ARHGEF2: variants seen among roughly 807,000 people sequenced by gnomAD.
ARHGEF2 encodes Rho/Rac guanine nucleotide exchange factor 2.
A neutral mutation model predicts 121.0 loss-of-function variants in ARHGEF2; 22 were observed. The ratio of observed to expected loss-of-function variants is 0.18; its 90% confidence interval spans 0.13 to 0.26. The LOEUF is 0.26. Ranked by LOEUF, ARHGEF2 falls within the 10% of genes least tolerant of loss-of-function variation. The probability of loss-of-function intolerance (pLI) is 1.00; values close to 1 mark genes in which losing one functional copy is unlikely to be tolerated. For synonymous variants in ARHGEF2, 487 were observed against 530.0 expected, an observed-to-expected ratio of 0.92 and a Z score of 1.11; for missense variants, 907 against 1,336.0, an observed-to-expected ratio of 0.68 and a Z score of 5.01.
rs747850051 is a variant in ARHGEF2, at chr1:155,951,330, C to T, written c.2260-58G>A. The T allele has an allele frequency of 3.7e-5, 58 of 1,562,142 alleles. No homozygotes were observed. The highest frequency in any genetic ancestry group is 4.5e-5 in the East Asian group (2 of 44,300). On this transcript the variant is annotated intron_variant, in intron 19 of 21. Transcript: ENST00000361247. This position sits in a 1 kb window ranked among gnomAD's most constrained non-coding sequence, Gnocchi z 5.1. The stretch of plus-strand genomic sequence containing the variant: ...AGAACCCCTGTGCTCTTCTACCCCT[C>T]GCCTTCACCCTCCAAGGCCCAGATC...
chr1:155,975,379 T>G (rs1681129089), intron 1 of ARHGEF2, among the ~76,000 whole-genome samples: 1 of 152,076 alleles, frequency 6.6e-6, no homozygotes, highest in Non-Finnish European at 1.5e-5. Context: ...ACTCCTCTGG[T>G]CGGCCTCAGT....
chr1:155,948,364 T>G (rs1674720121), intron 21 of ARHGEF2, among the ~76,000 whole-genome samples: 1 of 152,238 alleles, frequency 6.6e-6, no homozygotes, highest in South Asian at 2.1e-4. Context: ...GCCCCATGGC[T>G]CGTGCTTATA....
chr1:155,955,776 C>G (rs1676529152), intron 13 of ARHGEF2, among the ~76,000 whole-genome samples: 1 of 152,024 alleles, frequency 6.6e-6, no homozygotes, highest in Non-Finnish European at 1.5e-5. Flanking sequence ...AGTCCAGTGA[C>G]AGGATCTTGG....
Position 155,966,488 on chromosome 1 carries a change from C to T in ARHGEF2, c.277-9G>A, listed in dbSNP as rs527764641. 1.9e-6 allele frequency: 3 copies of T among 1,614,110 alleles called. No individual in the cohort carries two copies. The African/African-American group carries it at 4.0e-5, about 22-fold the overall frequency. ...AGGGCCGCTTTCTGTTGCTGTGAGA[C>T]AGAGAGCAGGAGAGAGATACCAAGA... On this transcript the variant is annotated splice_polypyrimidine_tract_variant and intron_variant, in intron 3 of 21. Coordinates refer to ENST00000361247, the MANE Select transcript of ARHGEF2 (RefSeq NM_001162383.2).
At chr1:155,975,805 G>T (rs1177289890) in intron 1 of ARHGEF2, among the ~76,000 whole-genome samples, 1 of 152,118 alleles carries the variant, frequency 6.6e-6, no homozygotes, top group Non-Finnish European at 1.5e-5. Flanking sequence ...TGGCAGAAAA[G>T]GACCCTTTGT....
chr1:155,950,696 C>T lies in ARHGEF2; in HGVS notation c.2703+133G>A. ...TCTACATTTCTTTTCAGTTCTCCAA[C>T]CAGTATCTCAATATCCTTCAAGTCA... On this transcript the variant is annotated intron_variant, in intron 20 of 21. Coordinates refer to ENST00000361247, the MANE Select transcript of ARHGEF2 (RefSeq NM_001162383.2). The surrounding 1 kb of genome is among the most constrained non-coding windows in gnomAD (Gnocchi z 5.2). The T allele has an allele frequency of 1.9e-6, 2 of 1,066,666 alleles. No homozygotes were observed. The highest frequency in any genetic ancestry group is 3.2e-5 in the African/African-American group (2 of 63,032). The allele number at this position is 1,066,666 out of a possible 1,614,324, so 66.1% of individuals were successfully genotyped here. A position where few individuals can be genotyped will look rare whatever the true frequency, so the allele number is the denominator to read the frequency against.
In ARHGEF2 at chr1:155,947,975, G is replaced by A; in HGVS notation, c.2928C>T (p.Ser976=). Residue 976 remains serine (S), a synonymous_variant, in exon 22 of 22, where the codon AGC becomes AGT. Coordinates refer to ENST00000361247, the MANE Select transcript of ARHGEF2 (RefSeq NM_001162383.2). ...CGGAGGCTACAGCCTCCCCGTCGCG[G>A]CTCTCCGTCTCCTCCGGGATGTCCT... ...RMQDIPEETE[S]RDGEAVASES 6.4e-7 allele frequency: 1 copy of A among 1,551,150 alleles called. No homozygotes were observed. Among genetic ancestry groups the A allele is most frequent in the Non-Finnish European group, 8.7e-7 (1 of 1,146,764 alleles).
Position 155,966,842 on chromosome 1 carries a change from T to C in ARHGEF2, c.254A>G (p.Asn85Ser). 5.6e-6 allele frequency: 9 copies of C among 1,613,700 alleles called. No homozygotes were observed. The highest frequency in any genetic ancestry group is 2.2e-5 in the East Asian group (1 of 44,842). Residue 85 changes from asparagine to serine, a missense_variant, in exon 3 of 22, where the codon AAC becomes AGC. Transcript: ENST00000361247. ...CACCTTCTGCTTGACCTTGGTACAG[T>C]TGGCGAGGGTGTCTTTACAGCGGTT... ...IHNRCKDTLA[N>S]CTKVKQKQQK...
At chr1:155,966,586 C>G in intron 3 of ARHGEF2, 107 bp from the exon 4 acceptor site, 1 of 1,271,966 alleles carries the variant, frequency 7.9e-7, no homozygotes, top group South Asian at 1.2e-5. Context: ...TAGGAGAAAG[C>G]TGGCACTATG....
intron 14 of ARHGEF2, among the ~76,000 whole-genome samples, chr1:155,954,417 G>C (rs1273199976): frequency 1.4e-5 from 2 of 147,346 alleles, no homozygotes; most frequent in Non-Finnish European, 3.0e-5. Flanking sequence ...CTGAGTAGCT[G>C]GGACTACAGG....
At position 155,964,160 on chromosome 1, in the gene ARHGEF2, A is replaced by T. The variant is rs1558029930; in HGVS notation, c.724+828T>A. On this transcript the variant is annotated intron_variant, in intron 7 of 21. Transcript: ENST00000361247. ...ACTCTGCTTCAAAAAAAAAAAAAAA[A>T]AAAAAAAATATATATATATATATAT... Among the ~76,000 whole-genome samples the T allele has an allele frequency of 2.7e-4, 26 of 95,078 alleles. 1 individual carries two copies. Among genetic ancestry groups the T allele is most frequent in the East Asian group, 3.9e-4 (1 of 2,560 alleles). 62.4% of individuals were successfully genotyped at this position (95,078 alleles called of 152,430 possible). A position where few individuals can be genotyped will look rare whatever the true frequency, so the allele number is the denominator to read the frequency against.
At chr1:155,964,462 C>T (rs916444031) in intron 7 of ARHGEF2, among the ~76,000 whole-genome samples, 1 of 151,766 alleles carries the variant, frequency 6.6e-6, no homozygotes, top group Non-Finnish European at 1.5e-5. Flanking sequence ...AAGCGTGGAA[C>T]AAGCACAGAG....
chr1:155,966,157 T>C (rs1160645292), intron 4 of ARHGEF2, among the ~76,000 whole-genome samples: 1 of 152,066 alleles, frequency 6.6e-6, no homozygotes, highest in Non-Finnish European at 1.5e-5. Flanking sequence ...GCAGTGTAAA[T>C]AACTGATAAA....
chr1:155,969,005 C>A, intron 2 of ARHGEF2, 151 bp downstream of exon 2: 1 of 896,262 alleles, frequency 1.1e-6, no homozygotes, highest in Non-Finnish European at 1.7e-6. Flanking sequence ...GGACAGGGAG[C>A]AAGGGATCAA....
At position 155,952,220 on chromosome 1, in the gene ARHGEF2, T is replaced by A; in HGVS notation, c.2000A>T (p.Asp667Val). ...DAIREVEGLK[D>V]LLVGPGVELL... ...TTCCACTCCTGGCCCCACCAGCAGG[T>A]CTTTCAGACCCTCCACTGTGGGGAA... The change falls in exon 16 of 22, where the codon GAC (aspartate) becomes GTC (valine). Residue 667 changes from aspartate to valine, a missense_variant. Physicochemically the swap from Asp to Val is radical, Grantham distance 152. Coordinates refer to ENST00000361247, the MANE Select transcript of ARHGEF2 (RefSeq NM_001162383.2). The A allele has an allele frequency of 6.2e-7, 1 of 1,614,068 alleles. No individual in the cohort carries two copies. The highest frequency in any genetic ancestry group is 8.5e-7 in the Non-Finnish European group (1 of 1,180,010).
intron 14 of ARHGEF2, among the ~76,000 whole-genome samples, chr1:155,954,598 C>T (rs1676286527): frequency 6.7e-6 from 1 of 150,352 alleles, no homozygotes; most frequent in Non-Finnish European, 1.5e-5. Flanking sequence ...AATCTACTTC[C>T]TTTTTTAAGG....
At chr1:155,967,013 TCTGGG>T in intron 2 of ARHGEF2, 126 bp from the exon 3 acceptor site, 1 of 836,526 alleles carries the variant, frequency 1.2e-6, no homozygotes, top group Non-Finnish European at 2.0e-6. Context: ...TTCCCCGACT[TCTGGG>T]CCATTACCAC....
At position 155,950,748 on chromosome 1, in the gene ARHGEF2, T is replaced by A. The variant is rs536195644; in HGVS notation, c.2703+81A>T. The A allele has an allele frequency of 3.4e-5, 47 of 1,391,202 alleles. No homozygotes were observed. The highest frequency in any genetic ancestry group is 4.6e-5 in the Admixed American group (2 of 43,648). 86.2% of individuals were successfully genotyped at this position (1,391,202 alleles called of 1,614,324 possible). A position where few individuals can be genotyped will look rare whatever the true frequency, so the allele number is the denominator to read the frequency against. Reference sequence around the variant, plus strand: ...TTGACTGATTGCATTTGGGCTCAAATCCCCAATGGCCCAATTTCTTTCGGG... The same window carrying A: ...TTGACTGATTGCATTTGGGCTCAAAACCCCAATGGCCCAATTTCTTTCGGG... On this transcript the variant is annotated intron_variant, in intron 20 of 21. Transcript: ENST00000361247. This position sits in a 1 kb window ranked among gnomAD's most constrained non-coding sequence, Gnocchi z 5.2.
At position 155,969,238 on chromosome 1, in the gene ARHGEF2, G is replaced by A. The variant is rs749859005; in HGVS notation, c.126C>T (p.Phe42=). 5 of 1,614,230 alleles carry A rather than the reference G, an allele frequency of 3.1e-6. No individual in the cohort carries two copies. Among genetic ancestry groups the A allele is most frequent in the Non-Finnish European group, 4.2e-6 (5 of 1,180,026 alleles). ...TCATGCCTGAAACTGAAATGGTGGTGAAGAGGTGCCCATTGGTATAGCGGG... is the reference window on the plus strand; with the variant it reads ...TCATGCCTGAAACTGAAATGGTGGTAAAGAGGTGCCCATTGGTATAGCGGG... ...KDARYTNGHL[F]TTISVSGMTM... The change falls in exon 2 of 22, where the codon TTC becomes TTT. Residue 42 remains phenylalanine (F), a synonymous_variant. Transcript: ENST00000361247.
Sources: allele counts gnomAD v4.1 joint callset (sites outside exome capture counted in the v4.1 genomes callset), GRCh38; gene constraint gnomAD v4.1.1; non-coding constraint Gnocchi (gnomAD v3.1); transcripts MANE v1.5; gene names NCBI Gene and HGNC (gene_info 2026-07-23, HGNC 2026-07-21).